ADGRL2: variants seen among roughly 807,000 people sequenced by gnomAD.
The protein encoded by ADGRL2 is calcium-independent alpha-latrotoxin receptor 2.
Under a neutral mutation model 157.4 loss-of-function variants are expected in ADGRL2, and 44 were observed. That is an observed-to-expected ratio of 0.28 (90% confidence interval 0.22 to 0.36). The LOEUF (loss-of-function observed/expected upper bound fraction) is 0.36. ADGRL2 is among the 10% of genes least tolerant of loss of function. ADGRL2 has a pLI of 1.00. For synonymous variants in ADGRL2, 585 were observed against 624.7 expected (o/e 0.94, Z 0.95); for missense variants, 1,510 against 1,768.9 (o/e 0.85, Z 2.63).
At chr1:81,929,753 G>A (rs957659079) in intron 3 of ADGRL2, among the ~76,000 whole-genome samples, 4 of 152,160 alleles carry the variant, frequency 2.6e-5, no homozygotes, top group African/African-American at 4.8e-5. Flanking sequence ...AAGAGTAAAA[G>A]ATGTTCTGCT....
At chr1:81,907,799 A>G (rs2094616400) in intron 3 of ADGRL2, among the ~76,000 whole-genome samples, 1 of 152,184 alleles carries the variant, frequency 6.6e-6, no homozygotes. Context: ...ATTATCACCC[A>G]AAGTCCATAG....
At chr1:81,716,711 C>T (rs538871467) in intron 1 of ADGRL2, among the ~76,000 whole-genome samples, 2 of 152,154 alleles carry the variant, frequency 1.3e-5, no homozygotes, top group African/African-American at 2.4e-5. Context: ...AGGTTTGAAA[C>T]CACCAAAAGG....
At chr1:81,873,333 T>G (rs1446473763) in intron 2 of ADGRL2, among the ~76,000 whole-genome samples, 1 of 152,154 alleles carries the variant, frequency 6.6e-6, no homozygotes, top group Non-Finnish European at 1.5e-5. Context: ...TTTATTTTTT[T>G]GCTATGTGAG....
At chr1:81,831,832 C>T (rs1237941968) in intron 1 of ADGRL2, among the ~76,000 whole-genome samples, 2 of 151,954 alleles carry the variant, frequency 1.3e-5, no homozygotes, top group Non-Finnish European at 2.9e-5. Flanking sequence ...GTAATAGGTG[C>T]TCAGTAAATA....
At chr1:81,477,248 G>A (rs929126299) in intron 2 of ADGRL2, among the ~76,000 whole-genome samples, 7 of 152,166 alleles carry the variant, frequency 4.6e-5, no homozygotes, top group African/African-American at 1.7e-4. Flanking sequence ...AAGAGGTTAA[G>A]TAACTTGCCC....
intron 1 of ADGRL2, among the ~76,000 whole-genome samples, chr1:81,340,433 C>A (rs1439992859): frequency 6.6e-6 from 1 of 152,078 alleles, no homozygotes; most frequent in Non-Finnish European, 1.5e-5. Context: ...GGTACAGAAG[C>A]AATTTTTTCT....
At chr1:81,466,675 G>GCA (rs1436356102) in intron 2 of ADGRL2, among the ~76,000 whole-genome samples, 143 of 49,074 alleles carry the variant, frequency 2.9e-3, no homozygotes, top group Middle Eastern at 0.01. Flanking sequence ...TCTCTCACGC[G>GCA]CGCGCACACA....
At chr1:81,894,131 G>A (rs989945733) in intron 2 of ADGRL2, among the ~76,000 whole-genome samples, 3 of 152,154 alleles carry the variant, frequency 2.0e-5, no homozygotes, top group African/African-American at 7.2e-5. Context: ...AAGTGGTAGA[G>A]TTGTCTCCAA....
At chr1:81,632,053 G>T (rs2082020371) in intron 3 of ADGRL2, among the ~76,000 whole-genome samples, 1 of 152,100 alleles carries the variant, frequency 6.6e-6, no homozygotes, top group Admixed American at 6.6e-5. Context: ...CATTTAAAAA[G>T]AATCATTCAT....
At chr1:81,801,324 G>T (rs1421974163) in intron 1 of ADGRL2, among the ~76,000 whole-genome samples, 1 of 152,200 alleles carries the variant, frequency 6.6e-6, no homozygotes, top group Non-Finnish European at 1.5e-5. Context: ...CGGGGAGGGC[G>T]GATTTGGGGG....
intron 2 of ADGRL2, among the ~76,000 whole-genome samples, chr1:81,493,366 T>C (rs2078671960): frequency 6.6e-6 from 1 of 152,106 alleles, no homozygotes; most frequent in African/African-American, 2.4e-5. Flanking sequence ...GGCCCATGGT[T>C]GCAATAAATA....
chr1:81,778,782 T>G (rs1220092669), intron 2 of ADGRL2, among the ~76,000 whole-genome samples: 1 of 152,204 alleles, frequency 6.6e-6, no homozygotes, highest in Non-Finnish European at 1.5e-5. Context: ...AGAGACGTTT[T>G]GGCAGCTATA....
intron 1 of ADGRL2, among the ~76,000 whole-genome samples, chr1:81,410,861 G>A (rs1219889382): frequency 1.3e-5 from 2 of 152,154 alleles, no homozygotes; most frequent in African/African-American, 4.8e-5. Flanking sequence ...AAGTCACTTT[G>A]TATGTGTATT....
At chr1:81,817,397 C>T (rs1424423354) in intron 1 of ADGRL2, among the ~76,000 whole-genome samples, 2 of 151,332 alleles carry the variant, frequency 1.3e-5, no homozygotes, top group African/African-American at 2.4e-5. Context: ...TTTATTGAGT[C>T]TTCTTCATCA....
intron 2 of ADGRL2, among the ~76,000 whole-genome samples, chr1:81,447,693 CA>C (rs2101717056): frequency 6.6e-6 from 1 of 152,248 alleles, no homozygotes; most frequent in Admixed American, 6.5e-5. Flanking sequence ...TTCCAAGCAA[CA>C]AAAATGGTTA....
chr1:81,642,901 A>G (rs2148810547), intron 3 of ADGRL2, among the ~76,000 whole-genome samples: 1 of 152,322 alleles, frequency 6.6e-6, no homozygotes, highest in African/African-American at 2.4e-5. Flanking sequence ...AAAAATTCTC[A>G]GTAAACCAGA....
At position 81,543,253 on chromosome 1, in the gene ADGRL2, G is replaced by T. The variant is rs575923418; in HGVS notation, c.-247-37623G>T. 6.1e-4 allele frequency among the ~76,000 whole-genome samples: 90 copies of T among 148,086 alleles called. 1 individual carries two copies. The highest frequency in any genetic ancestry group is 1.0e-3 in the Non-Finnish European group (69 of 67,998). On this transcript the variant is annotated intron_variant, in intron 2 of 24. Coordinates refer to the ADGRL2 transcript ENST00000370721. ...GGGGCCTTTGCTAGGTGATTCAAGT[G>T]TGAGGGCAGAGCCCTCACGAATGGA...
chr1:81,708,639 CAT>C (rs144706739), intron 1 of ADGRL2, among the ~76,000 whole-genome samples: 61 of 148,236 alleles, frequency 4.1e-4, no homozygotes, highest in Middle Eastern at 7.1e-3. Flanking sequence ...TTAAAATTTA[CAT>C]ATATATATAT....
intron 3 of ADGRL2, among the ~76,000 whole-genome samples, chr1:81,645,100 T>C (rs2082288028): frequency 6.6e-6 from 1 of 152,044 alleles, no homozygotes; most frequent in Admixed American, 6.6e-5. Flanking sequence ...ATGAAATACA[T>C]GAGTACAGGC....
Sources: gnomAD v4.1 joint callset for allele counts (sites outside exome capture counted in the v4.1 genomes callset) on GRCh38, gnomAD v4.1.1 for gene constraint, MANE v1.5 for transcripts, NCBI Gene and HGNC (gene_info 2026-07-23, HGNC 2026-07-21) for gene names.